The following ADAMTSL1 variants were observed in gnomAD, a reference collection of about 807,000 sequenced individuals.
ADAMTSL1 encodes the protein ADAMTS-like protein 1.
A neutral mutation model predicts 201.8 loss-of-function variants in ADAMTSL1; 126 were observed. The ratio of observed to expected loss-of-function variants is 0.62; its 90% confidence interval spans 0.54 to 0.72. The LOEUF (loss-of-function observed/expected upper bound fraction) is 0.72. ADAMTSL1 is among the 30% of genes least tolerant of loss of function. The probability of loss-of-function intolerance (pLI) is 0.00; values close to 1 mark genes in which losing one functional copy is unlikely to be tolerated. For missense variants in ADAMTSL1, 2,679 were observed against 2,277.8 expected (o/e 1.18, Z -3.59); for synonymous variants, 1,121 against 903.4 (o/e 1.24, Z -4.32).
At chr9:18,703,701 CATAT>C (rs72258520) in intron 13 of ADAMTSL1, among the ~76,000 whole-genome samples, 2,189 of 78,796 alleles carry the variant, frequency 0.028, 90 homozygotes, top group Middle Eastern at 0.044. Flanking sequence ...TGCGCACATA[CATAT>C]ATATATATAT....
chr9:18,730,903 A>G (rs1235906138), intron 15 of ADAMTSL1, among the ~76,000 whole-genome samples: 1 of 152,160 alleles, frequency 6.6e-6, no homozygotes, highest in Non-Finnish European at 1.5e-5. Context: ...AGGAGCTACT[A>G]TGTGATTCAC....
At chr9:18,386,060 A>G (rs1416559519) in intron 2 of ADAMTSL1, among the ~76,000 whole-genome samples, 1 of 152,216 alleles carries the variant, frequency 6.6e-6, no homozygotes, top group Non-Finnish European at 1.5e-5. Flanking sequence ...AATTCATCAT[A>G]TCTGTGCTTA....
At chr9:18,065,956 TCAGCTTGGGACA>T (rs141264184) in intron 1 of ADAMTSL1, among the ~76,000 whole-genome samples, 4,936 of 127,618 alleles carry the variant, frequency 0.039, 299 homozygotes, top group East Asian at 0.35. Flanking sequence ...CACTCCAGCT[TCAGCTTGGGACA>T]GAGCGAGACT....
intron 1 of ADAMTSL1, among the ~76,000 whole-genome samples, chr9:18,008,206 A>G (rs1819909786): frequency 6.6e-6 from 1 of 151,988 alleles, no homozygotes; most frequent in African/African-American, 2.4e-5. Context: ...AAATAGGTCT[A>G]CATGAGATGT....
rs528489430 is a variant in ADAMTSL1 at position 18,020,659 on chromosome 9, C to T, written c.87+113737C>T. 2.8e-4 allele frequency among the ~76,000 whole-genome samples: 42 copies of T among 152,178 alleles called. 1 individual carries two copies. Among genetic ancestry groups the T allele is most frequent in the Admixed American group, 7.9e-4 (12 of 15,268 alleles). Reference sequence around the variant, plus strand: ...GCCTCCCACCAGGTCTCTCCCTAAACGCCTGGGGATTACAATTCAAGATGA... The same window carrying T: ...GCCTCCCACCAGGTCTCTCCCTAAATGCCTGGGGATTACAATTCAAGATGA... On this transcript the variant is annotated intron_variant, in intron 1 of 29. Transcript: ENST00000680146.
chr9:18,301,232 A>G (rs73643227), intron 2 of ADAMTSL1, among the ~76,000 whole-genome samples: 5,183 of 152,292 alleles, frequency 0.034, 317 homozygotes, highest in African/African-American at 0.12. Context: ...AGATGTTAAA[A>G]GGTATAAAAA....
chr9:18,569,001 C>G (rs937409258), intron 3 of ADAMTSL1, among the ~76,000 whole-genome samples: 3 of 152,010 alleles, frequency 2.0e-5, no homozygotes, highest in Non-Finnish European at 4.4e-5. Context: ...TCTCCTGACC[C>G]TGAATCTACA....
intron 2 of ADAMTSL1, among the ~76,000 whole-genome samples, chr9:18,283,281 G>C (rs1257644093): frequency 2.0e-5 from 3 of 151,836 alleles, no homozygotes; most frequent in Non-Finnish European, 4.4e-5. Context: ...CTCATCCTCT[G>C]CGTGATGTAT....
chr9:18,014,270 A>G (rs1820166487), intron 1 of ADAMTSL1, among the ~76,000 whole-genome samples: 1 of 152,020 alleles, frequency 6.6e-6, no homozygotes, highest in East Asian at 1.9e-4. Context: ...AGTAAATCCC[A>G]TGCAGAACCT....
chr9:18,776,274 T>G (rs1018303744), intron 18 of ADAMTSL1, among the ~76,000 whole-genome samples: 10 of 152,154 alleles, frequency 6.6e-5, no homozygotes, highest in Non-Finnish European at 1.3e-4. Flanking sequence ...CCGCAACACT[T>G]CTAGGCTGTC....
intron 1 of ADAMTSL1, among the ~76,000 whole-genome samples, chr9:17,923,938 C>T (rs1223455467): frequency 4.7e-5 from 6 of 128,648 alleles, no homozygotes; most frequent in Non-Finnish European, 9.8e-5. Flanking sequence ...TATTGATTTA[C>T]GTATATTGAA....
intron 4 of ADAMTSL1, among the ~76,000 whole-genome samples, chr9:18,613,236 A>C (rs1375962890): frequency 4.6e-5 from 7 of 152,210 alleles, no homozygotes; most frequent in Non-Finnish European, 1.0e-4. Context: ...GGTTGTGGAA[A>C]AAAAGGAACA....
At chr9:18,308,887 G>C (rs111263234) in intron 2 of ADAMTSL1, among the ~76,000 whole-genome samples, 11,187 of 152,186 alleles carry the variant, frequency 0.074, 574 homozygotes, top group Non-Finnish European at 0.11. Flanking sequence ...AGCAAAAAAA[G>C]AAAATATCAG....
chr9:18,454,557 G>A (rs975964255), intron 2 of ADAMTSL1, among the ~76,000 whole-genome samples: 1 of 152,014 alleles, frequency 6.6e-6, no homozygotes, highest in Non-Finnish European at 1.5e-5. Context: ...CAAATGTCTC[G>A]ATATGTCTGG....
At chr9:18,559,378 G>C (rs1821325128) in intron 3 of ADAMTSL1, among the ~76,000 whole-genome samples, 1 of 152,026 alleles carries the variant, frequency 6.6e-6, no homozygotes, top group Admixed American at 6.6e-5. Flanking sequence ...ATCTGTTTTG[G>C]TACCAGTACC....
Position 18,049,041 on chromosome 9 carries a change from A to G in ADAMTSL1, c.88-114821A>G, listed in dbSNP as rs181329330. Among the ~76,000 whole-genome samples the G allele has an allele frequency of 4.2e-3, 640 of 152,096 alleles. 6 individuals are homozygous for G. Among genetic ancestry groups the G allele is most frequent in the African/African-American group, 0.015 (616 of 41,496 alleles). On this transcript the variant is annotated intron_variant, in intron 1 of 29. Coordinates refer to the ADAMTSL1 transcript ENST00000680146. The stretch of plus-strand genomic sequence containing the variant: ...CATTCATGGTGTTTCTTGGCTTGTA[A>G]ATGCATCACTCATCTTCACACTGCT...
rs537793236 is a variant in ADAMTSL1 at position 18,830,256 on chromosome 9, C to A, written c.4249+279C>A. On this transcript the variant is annotated intron_variant, in intron 23 of 28. Transcript: ENST00000380548. ...ATGCCATAGTCCAGATCCTCTCAAT[C>A]AGATTGACTCTTGAAACTTTGAGAA... Among the ~76,000 whole-genome samples the A allele has an allele frequency of 3.9e-5, 6 of 152,264 alleles. No individual in the cohort carries two copies. In the East Asian group the frequency reaches 9.6e-4, roughly 24 times the overall value.
At chr9:18,328,602 A>G (rs1241338821) in intron 2 of ADAMTSL1, among the ~76,000 whole-genome samples, 3 of 152,226 alleles carry the variant, frequency 2.0e-5, no homozygotes, top group Non-Finnish European at 2.9e-5. Context: ...CTGGGCTATG[A>G]AAACAAGCAG....
intron 15 of ADAMTSL1, among the ~76,000 whole-genome samples, chr9:18,725,734 G>T (rs549924717): frequency 1.3e-5 from 2 of 152,092 alleles, no homozygotes; most frequent in African/African-American, 4.8e-5. Context: ...ATCTTCTTCA[G>T]TTCTAGTTCC....
Sources: allele counts gnomAD v4.1 joint callset (sites outside exome capture counted in the v4.1 genomes callset), GRCh38; gene constraint gnomAD v4.1.1; transcripts MANE v1.5; gene names NCBI Gene and HGNC (gene_info 2026-07-23, HGNC 2026-07-21).